Variants in SLC1A3 observed in about 807,000 individuals in gnomAD.
The protein encoded by SLC1A3 is excitatory amino acid transporter 1.
Under a neutral mutation model 48.1 loss-of-function variants are expected in SLC1A3, and 21 were observed. The ratio of observed to expected loss-of-function variants is 0.44; its 90% CI spans 0.31 to 0.63. SLC1A3 has a LOEUF of 0.63. SLC1A3 is among the 20% of genes least tolerant of loss of function. SLC1A3 has a pLI of 0.08. For synonymous variants in SLC1A3, 239 were observed against 251.4 expected, an observed-to-expected ratio of 0.95 and a Z score of 0.47; for missense variants, 546 against 689.0, an observed-to-expected ratio of 0.79 and a Z score of 2.32.
intron 2 of SLC1A3, 174 bp downstream of exon 2, chr5:36,608,778 C>A (rs866408061): frequency 4.9e-6 from 7 of 1,435,380 alleles, no homozygotes; most frequent in Middle Eastern, 4.5e-4. Flanking sequence ...TTGTTTGGAG[C>A]AATATATAGT....
chr5:36,684,653 G>T (rs1383863729), intron 9 of SLC1A3, among the ~76,000 whole-genome samples: 1 of 152,026 alleles, frequency 6.6e-6, no homozygotes, highest in Admixed American at 6.5e-5. Context: ...CTTTCCCCAG[G>T]ATGCCCAAAG....
rs1739053398 is a variant in SLC1A3, at chr5:36,608,469, G to A, written c.46G>A (p.Glu16Lys). 1.2e-6 allele frequency: 2 copies of A among 1,614,082 alleles called. No individual in the cohort carries two copies. The highest frequency in any genetic ancestry group is 1.7e-6 in the Non-Finnish European group (2 of 1,179,944). The change falls in exon 2 of 10, where the codon GAG becomes AAG. Residue 16 changes from glutamate to lysine, a missense_variant. This residue lies in a region of SLC1A3 where 348 missense variants were observed against 392.0 expected (regional missense o/e 0.89). Transcript: ENST00000265113. ...GEEPKMGGRMERFQQGVRKRT... is the reference protein window; with the variant it reads ...GEEPKMGGRMKRFQQGVRKRT... Reference sequence around the variant, plus strand: ...AGAGCCCAAGATGGGGGGCAGGATGGAGAGATTCCAGCAGGGAGTCCGTAA... The same window carrying A: ...AGAGCCCAAGATGGGGGGCAGGATGAAGAGATTCCAGCAGGGAGTCCGTAA...
At chr5:36,619,777 A>C (rs1473792851) in intron 2 of SLC1A3, among the ~76,000 whole-genome samples, 1 of 152,240 alleles carries the variant, frequency 6.6e-6, no homozygotes, top group African/African-American at 2.4e-5. Context: ...TAATTATTGC[A>C]TGCCTGCCAT....
At chr5:36,669,808 T>C (rs1308126705) in intron 3 of SLC1A3, 1 of 152,144 alleles carries the variant, frequency 6.6e-6, no homozygotes, top group Non-Finnish European at 1.5e-5. Flanking sequence ...CTTCTAAATA[T>C]GCAAATATTT....
intron 3 of SLC1A3, among the ~76,000 whole-genome samples, chr5:36,631,411 G>C (rs928574361): frequency 6.6e-6 from 1 of 152,050 alleles, no homozygotes; most frequent in Non-Finnish European, 1.5e-5. Context: ...AACTTTGGTT[G>C]TGTAATTTTT....
chr5:36,614,877 A>G (rs1165900401), intron 2 of SLC1A3, among the ~76,000 whole-genome samples: 2 of 152,040 alleles, frequency 1.3e-5, no homozygotes, highest in South Asian at 2.1e-4. Context: ...TAGAAGTCTT[A>G]ATGTTGTTCT....
intron 2 of SLC1A3, among the ~76,000 whole-genome samples, chr5:36,614,551 C>A (rs748014368): frequency 6.6e-6 from 1 of 152,140 alleles, no homozygotes; most frequent in Non-Finnish European, 1.5e-5. Flanking sequence ...AGAAAGTAAT[C>A]CCCAGGCAGC....
In SLC1A3 at chr5:36,608,360, G is replaced by A; in HGVS notation, c.-64G>A. ...TTTCTAATACCAAAGAGGAGGTTTG[G>A]CTTTCTGTGGGTGATTCCCAGACAC... On this transcript the variant is annotated 5_prime_UTR_variant, in exon 2 of 10. Coordinates refer to ENST00000265113, the MANE Select transcript of SLC1A3 (RefSeq NM_004172.5). 6.7e-7 allele frequency: 1 copy of A among 1,500,386 alleles called. No individual in the cohort carries two copies. The highest frequency in any genetic ancestry group is 9.3e-7 in the Non-Finnish European group (1 of 1,080,690). The allele number at this position is 1,500,386 out of a possible 1,614,324, so 92.9% of individuals were successfully genotyped here.
At chr5:36,614,018 A>G (rs143902842) in intron 2 of SLC1A3, among the ~76,000 whole-genome samples, 2 of 152,196 alleles carry the variant, frequency 1.3e-5, no homozygotes, top group Non-Finnish European at 2.9e-5. Flanking sequence ...GGTGTAGCCC[A>G]GTAAGGTATA....
chr5:36,679,939 ATTTTATTCTGAGTT>A, intron 7 of SLC1A3, 79 bp downstream of exon 7: 1 of 953,056 alleles, frequency 1.0e-6, no homozygotes. Flanking sequence ...AGGAGAAGCC[ATTTTATTCTGAGTT>A]TTAAACTTCC....
Position 36,683,926 on chromosome 5 carries a change from T to G in SLC1A3, c.1352T>G (p.Met451Arg). The G allele has an allele frequency of 6.2e-7, 1 of 1,614,212 alleles. No individual in the cohort carries two copies. The highest frequency in any genetic ancestry group is 8.5e-7 in the Non-Finnish European group (1 of 1,180,024). The change falls in exon 9 of 10, where the codon ATG (methionine) becomes AGG (arginine). Residue 451 changes from methionine (M) to arginine (R), a missense_variant. Transcript: ENST00000265113. ...AGIPQAGLVT[M>R]VIVLTSVGLP... ...ATTCCTCAGGCGGGCCTGGTCACTA[T>G]GGTCATTGTGCTGACATCTGTCGGC...
chr5:36,632,929 G>A (rs1740193651), intron 3 of SLC1A3, among the ~76,000 whole-genome samples: 2 of 152,186 alleles, frequency 1.3e-5, no homozygotes, highest in African/African-American at 4.8e-5. Context: ...GCATTCCAGA[G>A]GCTGCCAGAA....
chr5:36,603,290 T>G (rs1738829217), upstream of SLC1A3, among the ~76,000 whole-genome samples: 1 of 152,326 alleles, frequency 6.6e-6, no homozygotes, highest in African/African-American at 2.4e-5. Flanking sequence ...TCTCTTAAGT[T>G]GCTACCAGTC....
rs1282903603 is a variant in SLC1A3 at position 36,662,248 on chromosome 5, G to GT, written c.320-8780dup. Among the ~76,000 whole-genome samples, 27 of 152,298 alleles carry GT rather than the reference G, an allele frequency of 1.8e-4. No homozygotes were observed. The South Asian group carries it at 2.5e-3, about 14-fold the overall frequency. ...ATCATGGGGAGACAGGGCTTTCCACGTGATAGAGGTTTCTTTCCAAACCCA... is the reference window on the plus strand; with the variant it reads ...ATCATGGGGAGACAGGGCTTTCCACGTTGATAGAGGTTTCTTTCCAAACCCA... On this transcript the variant is annotated intron_variant, in intron 3 of 9. Coordinates refer to ENST00000265113, the MANE Select transcript of SLC1A3 (RefSeq NM_004172.5).
At chr5:36,651,094 A>G (rs995270853) in intron 3 of SLC1A3, among the ~76,000 whole-genome samples, 2 of 149,694 alleles carry the variant, frequency 1.3e-5, no homozygotes, top group Admixed American at 6.7e-5. Flanking sequence ...TGGGGAATGC[A>G]GCTATTCTAG....
chr5:36,618,432 A>G (rs367708968), intron 2 of SLC1A3, among the ~76,000 whole-genome samples: 9 of 152,350 alleles, frequency 5.9e-5, no homozygotes, highest in African/African-American at 2.2e-4. Context: ...TATAGAAGCT[A>G]GGATCACCCC....
Position 36,629,510 on chromosome 5 carries a change from TCTC to T in SLC1A3, c.245_247del (p.Ser82del). 6.2e-7 allele frequency: 1 copy of T among 1,613,150 alleles called. No homozygotes were observed. Among genetic ancestry groups the T allele is most frequent in the Non-Finnish European group, 8.5e-7 (1 of 1,179,342 alleles). On this transcript the variant is annotated inframe_deletion, in exon 3 of 10. Coordinates refer to ENST00000265113, the MANE Select transcript of SLC1A3 (RefSeq NM_004172.5). ...ATGAGCTACCGGGAAGTCAAGTACT[TCTC>T]CTTTCCTGGGGAACTTCTGATGAGG... is the stretch of plus-strand genomic sequence containing the variant.
intron 2 of SLC1A3, among the ~76,000 whole-genome samples, chr5:36,613,705 G>T (rs1206101271): frequency 6.6e-6 from 1 of 152,158 alleles, no homozygotes; most frequent in Non-Finnish European, 1.5e-5. Flanking sequence ...AAGAAGCTGG[G>T]GGTAGGGGGA....
intron 3 of SLC1A3, among the ~76,000 whole-genome samples, chr5:36,641,546 C>T (rs1335299662): frequency 1.3e-5 from 2 of 151,924 alleles, no homozygotes; most frequent in African/African-American, 4.8e-5. Context: ...ATCAGCATAC[C>T]TAAACTACAC....
Sources: allele counts gnomAD v4.1 joint callset (sites outside exome capture counted in the v4.1 genomes callset), GRCh38; gene constraint gnomAD v4.1.1; regional missense constraint gnomAD v4.1.1; transcripts MANE v1.5; gene names NCBI Gene and HGNC (gene_info 2026-07-23, HGNC 2026-07-21).